The following PUS7 variants were observed in gnomAD, a reference collection of about 807,000 sequenced individuals.
PUS7 encodes the protein pseudouridine synthase 7, also known as pseudouridylate synthase 7 homolog.
In PUS7, 48 loss-of-function variants were observed where a neutral mutation model predicts 79.8. The ratio of observed to expected loss-of-function variants is 0.60; its 90% CI spans 0.48 to 0.76. PUS7 has a LOEUF of 0.76. Ranked by LOEUF, PUS7 falls within the 30% of genes least tolerant of loss-of-function variation. PUS7 has a pLI of 0.00. For missense variants in PUS7, 729 were observed against 797.6 expected (o/e 0.91, Z 1.04); for synonymous variants, 286 against 272.2 (o/e 1.05, Z -0.50).
At chr7:105,501,756 C>A (rs745401644) in intron 5 of PUS7, among the ~76,000 whole-genome samples, 1 of 151,894 alleles carries the variant, frequency 6.6e-6, no homozygotes, top group Non-Finnish European at 1.5e-5. Flanking sequence ...GAGATCAAGA[C>A]CATCCTGGCT....
intron 9 of PUS7, among the ~76,000 whole-genome samples, chr7:105,475,870 G>A (rs946647030): frequency 1.3e-5 from 2 of 151,928 alleles, no homozygotes; most frequent in Non-Finnish European, 2.9e-5. Context: ...CCTAACCTCT[G>A]TAAGACACCA....
chr7:105,457,882 A>C lies in PUS7; in HGVS notation c.1894T>G (p.Ser632Ala), dbSNP rs1823252453. The change falls in exon 16 of 16, where the codon TCT becomes GCT. Residue 632 changes from serine to alanine, a missense_variant. Transcript: ENST00000469408. ...ALKMDFSLPP[S>A]TYATMAIREV... ...CGAATGGCCATGGTGGCGTAAGTAG[A>C]AGGGGGTAGAGAAAAATCCATTTTC... 6.2e-7 allele frequency: 1 copy of C among 1,613,960 alleles called. No individual in the cohort carries two copies. Among genetic ancestry groups the C allele is most frequent in the African/African-American group, 1.3e-5 (1 of 74,924 alleles).
In PUS7 at chr7:105,466,382, C is replaced by T. The variant is rs75294101; in HGVS notation, c.1526-968G>A. Among the ~76,000 whole-genome samples, 1,204 of 151,924 alleles carry T rather than the reference C, an allele frequency of 7.9e-3. 45 individuals carry two copies. The East Asian group carries it at 0.12, about 15-fold the overall frequency. ...AAGTGATCCTCCTGCCTCACCCTCT[C>T]GAGAAGCTGGGACTGTAAGTGTGTG... On this transcript the variant is annotated intron_variant, in intron 12 of 15. Coordinates refer to ENST00000469408, the MANE Select transcript of PUS7 (RefSeq NM_019042.5).
intron 1 of PUS7, among the ~76,000 whole-genome samples, chr7:105,515,648 G>A (rs1472938295): frequency 6.6e-6 from 1 of 151,252 alleles, no homozygotes; most frequent in Admixed American, 6.6e-5. Flanking sequence ...ATTTTTTTTT[G>A]ACACAGAGTC....
chr7:105,508,535 T>C lies in PUS7; in HGVS notation c.-23A>G, dbSNP rs1471601631. The C allele has an allele frequency of 2.5e-6, 4 of 1,597,504 alleles. No homozygotes were observed. The highest frequency in any genetic ancestry group is 2.2e-5 in the East Asian group (1 of 44,760). ...CATCTTTAAGGCTCCAAGAAAACAT[T>C]TAAGAAAACCTGTTAGGAAAGAGTA... is the stretch of plus-strand genomic sequence containing the variant. On this transcript the variant is annotated 5_prime_UTR_variant, in exon 2 of 16. Transcript: ENST00000469408.
intron 9 of PUS7, among the ~76,000 whole-genome samples, chr7:105,476,994 T>C (rs1563363537): frequency 1.3e-5 from 2 of 152,236 alleles, no homozygotes; most frequent in Non-Finnish European, 2.9e-5. Flanking sequence ...ATCAGATGTA[T>C]GATTTGAAAT....
chr7:105,490,272 T>C (rs1419947575), intron 7 of PUS7, among the ~76,000 whole-genome samples: 1 of 152,082 alleles, frequency 6.6e-6, no homozygotes, highest in East Asian at 1.9e-4. Context: ...CATGAAACCA[T>C]TACCATATTA....
intron 5 of PUS7, among the ~76,000 whole-genome samples, chr7:105,501,529 C>T (rs574603279): frequency 2.4e-4 from 37 of 152,074 alleles, no homozygotes; most frequent in Non-Finnish European, 4.6e-4. Flanking sequence ...TGATACACAA[C>T]AAAAGATGGG....
At chr7:105,482,286 C>T (rs1008395236) in intron 8 of PUS7, 26 bp downstream of exon 8, 26 of 1,609,482 alleles carry the variant, frequency 1.6e-5, no homozygotes, top group Non-Finnish European at 2.2e-5. Flanking sequence ...ACCCTCTGGT[C>T]TACATTCCCA....
intron 6 of PUS7, among the ~76,000 whole-genome samples, 168 bp downstream of exon 6, chr7:105,494,974 A>T (rs1299066283): frequency 6.0e-5 from 8 of 133,100 alleles, no homozygotes; most frequent in African/African-American, 1.1e-4. Flanking sequence ...GAGACTGTCT[A>T]AAAAAAAAAA....
At chr7:105,470,877 G>A (rs377544089) in intron 10 of PUS7, 29 bp from the exon 11 acceptor site, 1 of 1,545,696 alleles carries the variant, frequency 6.5e-7, no homozygotes, top group Non-Finnish European at 8.8e-7. Context: ...AGGGTTAAAT[G>A]ACTTACCCAA....
intron 13 of PUS7, among the ~76,000 whole-genome samples, chr7:105,465,112 C>T (rs1021633233): frequency 3.9e-5 from 6 of 152,152 alleles, no homozygotes; most frequent in East Asian, 1.9e-4. Flanking sequence ...CGTGAGCCAC[C>T]GTGCCTGACC....
chr7:105,487,928 T>C (rs1445402342), intron 7 of PUS7, among the ~76,000 whole-genome samples: 2 of 152,218 alleles, frequency 1.3e-5, no homozygotes, highest in Non-Finnish European at 2.9e-5. Flanking sequence ...CCAGCAGTCA[T>C]TCAAATGCCT....
intron 13 of PUS7, among the ~76,000 whole-genome samples, chr7:105,463,132 A>C (rs895930035): frequency 3.9e-5 from 6 of 152,214 alleles, no homozygotes; most frequent in African/African-American, 1.4e-4. Context: ...GCAGTTATAA[A>C]TAAATGTATA....
intron 13 of PUS7, among the ~76,000 whole-genome samples, chr7:105,463,050 T>G (rs1289495173): frequency 6.6e-6 from 1 of 152,222 alleles, no homozygotes; most frequent in Admixed American, 6.6e-5. Context: ...CCAAAGTTGC[T>G]AAACTGCATT....
chr7:105,512,807 G>T (rs140488325), intron 1 of PUS7, among the ~76,000 whole-genome samples: 131 of 152,318 alleles, frequency 8.6e-4, no homozygotes, highest in African/African-American at 3.1e-3. Flanking sequence ...CCAGGTAAGA[G>T]GGTACAGCTG....
chr7:105,480,913 C>A, intron 9 of PUS7, 139 bp downstream of exon 9: 1 of 1,078,422 alleles, frequency 9.3e-7, no homozygotes, highest in Non-Finnish European at 1.3e-6. Flanking sequence ...CACTCATTAA[C>A]TTAAAACAAA....
At chr7:105,496,468 A>C (rs1586153365) in intron 5 of PUS7, among the ~76,000 whole-genome samples, 1 of 152,070 alleles carries the variant, frequency 6.6e-6, no homozygotes, top group Non-Finnish European at 1.5e-5. Flanking sequence ...AAACTGAAAA[A>C]ATGTTTCATA....
intron 6 of PUS7, among the ~76,000 whole-genome samples, chr7:105,494,294 G>A (rs1824912039): frequency 6.6e-6 from 1 of 152,024 alleles, no homozygotes; most frequent in African/African-American, 2.4e-5. Flanking sequence ...CTACGTATGT[G>A]GGGGTCAAAA....
Sources: allele counts gnomAD v4.1 joint callset (sites outside exome capture counted in the v4.1 genomes callset), GRCh38; gene constraint gnomAD v4.1.1; transcripts MANE v1.5; gene names NCBI Gene and HGNC (gene_info 2026-07-23, HGNC 2026-07-21).